Variants in RNF17 observed in about 807,000 individuals in gnomAD.
RNF17 encodes ring finger protein 17.
A neutral mutation model predicts 200.5 loss-of-function variants in RNF17; 31 were observed. The observed-to-expected ratio is 0.15, with a 90% CI of 0.12 to 0.21. The LOEUF is 0.21. Ranked by LOEUF, RNF17 falls within the 10% of genes least tolerant of loss-of-function variation. The pLI, the probability that RNF17 is intolerant of heterozygous loss-of-function variation, is 1.00. For synonymous variants in RNF17, 606 were observed against 637.8 expected (o/e 0.95, Z 0.75); for missense variants, 1,628 against 1,905.1 (o/e 0.85, Z 2.71).
At chr13:24,779,810 A>G (rs969883855) in intron 5 of RNF17, 63 bp downstream of exon 5, 5 of 1,235,792 alleles carry the variant, frequency 4.0e-6, no homozygotes, top group Non-Finnish European at 6.0e-6. Context: ...AAGTGTGTAC[A>G]TTTGGAGATG....
At position 24,867,462 on chromosome 13, in the gene RNF17, A is replaced by G. The variant is rs1328578771; in HGVS notation, c.4162-1138A>G. ...GAGTTTTAGTACATAAACCTTTGTA[A>G]TTTATGAAAATAACATAACCTTATT... On this transcript the variant is annotated intron_variant, in intron 30 of 35. Transcript: ENST00000255324. Among the ~76,000 whole-genome samples the G allele has an allele frequency of 2.6e-5, 4 of 152,318 alleles. No homozygotes were observed. In the East Asian group the frequency reaches 7.7e-4, roughly 29 times the overall value.
rs1177563194 is a variant in RNF17, at chr13:24,866,192, A to G, written c.4150A>G (p.Ile1384Val). Reference protein sequence around the residue: ...DKKYEEEQWEIRFEELLSAET... With the variant: ...DKKYEEEQWEVRFEELLSAET... Reference sequence around the variant, plus strand: ...AAAGTATGAAGAGGAACAATGGGAAATAAGGTTTGAGGTAAGTAACAATCC... The same window carrying G: ...AAAGTATGAAGAGGAACAATGGGAAGTAAGGTTTGAGGTAAGTAACAATCC... Residue 1384 changes from isoleucine to valine, a missense_variant, in exon 30 of 36, where the codon ATA becomes GTA. Physicochemically the swap from Ile to Val is conservative, Grantham distance 29. Transcript: ENST00000255324. 5 of 1,552,460 alleles carry G rather than the reference A, an allele frequency of 3.2e-6. No individual in the cohort carries two copies. The highest frequency in any genetic ancestry group is 2.7e-5 in the African/African-American group (2 of 74,016).
chr13:24,841,830 C>T (rs1246916908), intron 18 of RNF17, among the ~76,000 whole-genome samples: 4 of 151,890 alleles, frequency 2.6e-5, no homozygotes, highest in African/African-American at 7.3e-5. Context: ...GGCGTGGTGG[C>T]GCGACAGTGT....
chr13:24,874,041 A>G (rs1894592747), intron 32 of RNF17, 73 bp from the exon 33 acceptor site: 3 of 1,495,114 alleles, frequency 2.0e-6, no homozygotes, highest in South Asian at 1.2e-5. Flanking sequence ...GCCCTTTGAT[A>G]TGCTGATTTC....
At chr13:24,780,922 C>A (rs912688544) in intron 5 of RNF17, among the ~76,000 whole-genome samples, 5 of 152,022 alleles carry the variant, frequency 3.3e-5, no homozygotes, top group African/African-American at 1.2e-4. Context: ...TAAAATCTCA[C>A]CTTCTAAGTT....
At chr13:24,806,435 C>T (rs968159404) in intron 15 of RNF17, among the ~76,000 whole-genome samples, 3 of 152,076 alleles carry the variant, frequency 2.0e-5, no homozygotes, top group Non-Finnish European at 2.9e-5. Flanking sequence ...GAGGAATTGC[C>T]ACACCGGTTG....
upstream of RNF17, among the ~76,000 whole-genome samples, chr13:24,761,685 G>T (rs1361491070): frequency 6.6e-6 from 1 of 152,170 alleles, no homozygotes. Context: ...GCCATTAAAG[G>T]GTTCCAAACA....
At chr13:24,848,840 T>C (rs1891536851) in intron 22 of RNF17, among the ~76,000 whole-genome samples, 1 of 152,236 alleles carries the variant, frequency 6.6e-6, no homozygotes, top group African/African-American at 2.4e-5. Flanking sequence ...CTTATATTTA[T>C]ATACCATCGT....
rs1881331345 is a variant in RNF17 at position 24,774,861 on chromosome 13, T to C, written c.274T>C (p.Tyr92His). The change falls in exon 3 of 36, where the codon TAT becomes CAT. Residue 92 changes from tyrosine to histidine, a missense_variant. Coordinates refer to ENST00000255324, the MANE Select transcript of RNF17 (RefSeq NM_031277.3). ...ACAACGCTACTACCCAATGGCTGGA[T>C]ATATTAAGGAAGACTCCATAATGGA... ...TRQRYYPMAG[Y>H]IKEDSIMEKL... The C allele has an allele frequency of 6.2e-7, 1 of 1,612,352 alleles. No individual in the cohort carries two copies. The highest frequency in any genetic ancestry group is 2.2e-5 in the East Asian group (1 of 44,826).
intron 32 of RNF17, among the ~76,000 whole-genome samples, chr13:24,871,732 AAGC>A (rs2138420170): frequency 6.7e-6 from 1 of 149,890 alleles, no homozygotes; most frequent in South Asian, 2.1e-4. Flanking sequence ...CCCTGGGTTC[AAGC>A]AGTTCTCTTG....
At chr13:24,828,941 C>A (rs1039761730) in intron 16 of RNF17, among the ~76,000 whole-genome samples, 2 of 151,814 alleles carry the variant, frequency 1.3e-5, no homozygotes, top group Non-Finnish European at 2.9e-5. Context: ...CCAGATTAGC[C>A]GGGGCTATAG....
chr13:24,834,620 C>T (rs1889768347), intron 18 of RNF17, among the ~76,000 whole-genome samples: 1 of 152,106 alleles, frequency 6.6e-6, no homozygotes, highest in Non-Finnish European at 1.5e-5. Context: ...TTACCTGGAG[C>T]TGAGTCAATT....
rs765666593 is a variant in RNF17 at position 24,874,262 on chromosome 13, TGTC to T, written c.4583+15_4583+17del. ...TGACATTAAACAGGTTAAAAATAAATGTCGGGGTGTTGAATTAGATTTCTTTTT... is the reference window on the plus strand; with the variant it reads ...TGACATTAAACAGGTTAAAAATAAATGGGGTGTTGAATTAGATTTCTTTTT... On this transcript the variant is annotated intron_variant, in intron 33 of 35. Transcript: ENST00000255324. 3.9e-5 allele frequency: 60 copies of T among 1,556,446 alleles called. No individual in the cohort carries two copies. The highest frequency in any genetic ancestry group is 5.1e-5 in the Non-Finnish European group (59 of 1,158,522).
At chr13:24,774,592 TA>T (rs1320215386) in intron 2 of RNF17, among the ~76,000 whole-genome samples, 1 of 152,242 alleles carries the variant, frequency 6.6e-6, no homozygotes, top group East Asian at 1.9e-4. Context: ...GTTAATTAAC[TA>T]AAAATTAATT....
At chr13:24,758,503 T>C in the RNF17 span, among the ~76,000 whole-genome samples, 1 of 152,202 alleles carries the variant, frequency 6.6e-6, no homozygotes, top group East Asian at 1.9e-4. Context: ...AATTGGAAGC[T>C]GATACAGAAG....
intron 2 of RNF17, among the ~76,000 whole-genome samples, chr13:24,769,477 C>G (rs932254214): frequency 3.3e-5 from 5 of 152,274 alleles, no homozygotes; most frequent in Middle Eastern, 3.4e-3. Context: ...ATTCTTCAGA[C>G]GCACTGGTGA....
chr13:24,846,836 T>A (rs897119849), intron 22 of RNF17, among the ~76,000 whole-genome samples: 12 of 152,230 alleles, frequency 7.9e-5, no homozygotes, highest in Admixed American at 7.2e-4. Flanking sequence ...ATCACTGACT[T>A]GAAGCCAATT....
At chr13:24,770,456 C>T (rs1880500377) in intron 2 of RNF17, among the ~76,000 whole-genome samples, 1 of 152,018 alleles carries the variant, frequency 6.6e-6, no homozygotes, top group South Asian at 2.1e-4. Context: ...AAGAAATGTC[C>T]TGCATCAAAT....
chr13:24,827,086 C>T (rs941537801), intron 16 of RNF17, among the ~76,000 whole-genome samples: 15 of 151,796 alleles, frequency 9.9e-5, no homozygotes, highest in African/African-American at 2.7e-4. Flanking sequence ...GAAGTCACCA[C>T]GCCCGGCTAA....
Sources: allele counts gnomAD v4.1 joint callset (sites outside exome capture counted in the v4.1 genomes callset), GRCh38; gene constraint gnomAD v4.1.1; transcripts MANE v1.5; gene names NCBI Gene and HGNC (gene_info 2026-07-23, HGNC 2026-07-21).